Variants in COX4I1 observed in about 807,000 individuals in gnomAD.
COX4I1 encodes cytochrome c oxidase subunit 4 isoform 1, mitochondrial.
In COX4I1, 18 loss-of-function variants were observed where a neutral mutation model predicts 21.7. That is an observed-to-expected ratio of 0.83 (90% CI 0.57 to 1.23). COX4I1 has a LOEUF of 1.23. COX4I1 is among the 50% of genes most tolerant of loss of function. The pLI is 0.00. For missense variants in COX4I1, 238 were observed against 220.7 expected (o/e 1.08, Z -0.50); for synonymous variants, 100 against 81.5 (o/e 1.23, Z -1.23).
chr16:85,804,598 C>T (rs996340273), intron 2 of COX4I1: 8 of 179,822 alleles, frequency 4.4e-5, no homozygotes, highest in East Asian at 1.6e-4. Flanking sequence ...CATCGTGATC[C>T]GCCTGCCTGG....
intron 4 of COX4I1, 187 bp from the exon 5 acceptor site, chr16:85,806,551 A>T: frequency 1.2e-6 from 1 of 832,396 alleles, no homozygotes; most frequent in Non-Finnish European, 2.0e-6. Flanking sequence ...TTTTACAAAC[A>T]AAGGGCTAAT....
At position 85,801,220 on chromosome 16, in the gene COX4I1, G is replaced by C. The variant is rs537535282; in HGVS notation, c.15G>C (p.Arg5Ser). The change falls in exon 2 of 5, where the codon AGG becomes AGC. Residue 5 changes from arginine (R) to serine (S), a missense_variant. Arg to Ser is a moderately radical substitution (Grantham distance 110, BLOSUM62 -1). Transcript: ENST00000253452. ...TATCTTTCAGAATGTTGGCTACCAGGGTATTTAGCCTAGTTGGCAAGCGAG... is the reference window on the plus strand; with the variant it reads ...TATCTTTCAGAATGTTGGCTACCAGCGTATTTAGCCTAGTTGGCAAGCGAG... MLAT[R>S]VFSLVGKRAI... is the part of the protein sequence containing the mutation. The C allele has an allele frequency of 3.1e-6, 5 of 1,608,244 alleles. No homozygotes were observed. Among genetic ancestry groups the C allele is most frequent in the Non-Finnish European group, 3.4e-6 (4 of 1,175,098 alleles).
intron 4 of COX4I1, chr16:85,806,405 T>A: frequency 1.5e-6 from 1 of 650,718 alleles, no homozygotes; most frequent in South Asian, 1.6e-5. Flanking sequence ...TACTTTTGGT[T>A]TGAATGTGGA....
chr16:85,805,239 T>G, intron 3 of COX4I1, 135 bp downstream of exon 3: 3 of 890,384 alleles, frequency 3.4e-6, no homozygotes, highest in Non-Finnish European at 4.9e-6. Context: ...GGTTTCGGGG[T>G]CACTGTGCCA....
chr16:85,799,708 G>T lies in COX4I1; in HGVS notation c.-46G>T, dbSNP rs2233446. 4.1e-3 allele frequency: 659 copies of T among 162,142 alleles called. 7 individuals are homozygous for T. Among genetic ancestry groups the T allele is most frequent in the African/African-American group, 0.014 (591 of 41,986 alleles). 10.0% of individuals were successfully genotyped at this position (162,142 alleles called of 1,614,324 possible). On this transcript the variant is annotated 5_prime_UTR_variant, in exon 1 of 5. Coordinates refer to ENST00000253452, the MANE Select transcript of COX4I1 (RefSeq NM_001861.6). This position sits in a 1 kb window ranked among gnomAD's most constrained non-coding sequence, Gnocchi z 4.2. ...CGCGGCCTTGCTCTCTTCCGGTCGC[G>T]GGACACCGGGTGTAGAGGGCGGTCG...
At chr16:85,802,872 A>G (rs1034093742) in intron 2 of COX4I1, among the ~76,000 whole-genome samples, 1 of 152,230 alleles carries the variant, frequency 6.6e-6, no homozygotes, top group Admixed American at 6.5e-5. Flanking sequence ...TGCAATTTTG[A>G]GGTTTGCATG....
chr16:85,806,303 C>G, intron 4 of COX4I1: 1 of 609,378 alleles, frequency 1.6e-6, no homozygotes, highest in Non-Finnish European at 2.9e-6. Context: ...TGGGCATTGC[C>G]GGGTTGCTCG....
chr16:85,801,357 G>GA, intron 2 of COX4I1, 79 bp downstream of exon 2: 1 of 1,252,206 alleles, frequency 8.0e-7, no homozygotes, highest in Non-Finnish European at 1.2e-6. Context: ...CCCTGTGCTG[G>GA]AGTTTTAAAG....
chr16:85,801,241 G>A lies in COX4I1; in HGVS notation c.36G>A (p.Lys12=). 6.2e-7 allele frequency: 1 copy of A among 1,610,378 alleles called. No individual in the cohort carries two copies. The highest frequency in any genetic ancestry group is 8.5e-7 in the Non-Finnish European group (1 of 1,176,776). The change falls in exon 2 of 5, where the codon AAG becomes AAA. Residue 12 remains lysine (K), a synonymous_variant. Transcript: ENST00000253452. ...CCAGGGTATTTAGCCTAGTTGGCAA[G>A]CGAGCAATTTCCACCTCTGTGTGTG... The part of the protein sequence containing the change: ...LATRVFSLVG[K]RAISTSVCVR...
At chr16:85,806,661 A>G (rs1597220485) in intron 4 of COX4I1, 77 bp from the exon 5 acceptor site, 1 of 1,609,972 alleles carries the variant, frequency 6.2e-7, no homozygotes, top group Non-Finnish European at 8.5e-7. Flanking sequence ...TGTCGGGAGG[A>G]TTTAACCTGT....
chr16:85,803,843 G>A (rs1464555601), intron 2 of COX4I1: 1 of 152,254 alleles, frequency 6.6e-6, no homozygotes. Flanking sequence ...TGGGCTCCTA[G>A]GTCGGCCTCG....
chr16:85,805,343 T>C (rs1430578392), intron 3 of COX4I1: 1 of 538,472 alleles, frequency 1.9e-6, no homozygotes. Flanking sequence ...GGAGGTAGCC[T>C]CTCAGCATAT....
chr16:85,806,554 G>A (rs1906218361), intron 4 of COX4I1, 184 bp from the exon 5 acceptor site: 3 of 839,410 alleles, frequency 3.6e-6, no homozygotes, highest in South Asian at 1.4e-5. Flanking sequence ...TACAAACAAA[G>A]GGCTAATTTT....
intron 3 of COX4I1, 52 bp downstream of exon 3, chr16:85,805,156 G>A: frequency 6.4e-7 from 1 of 1,551,368 alleles, no homozygotes; most frequent in Non-Finnish European, 8.7e-7. Flanking sequence ...GGAAGCGTGT[G>A]TGTGACAGAG....
At chr16:85,800,103 C>T (rs1175555995) in intron 1 of COX4I1, among the ~76,000 whole-genome samples, 1 of 152,220 alleles carries the variant, frequency 6.6e-6, no homozygotes, top group Non-Finnish European at 1.5e-5. Context: ...CAAAAGGTCC[C>T]TGTGCAACCC....
At chr16:85,800,921 G>A (rs1295189984) in intron 1 of COX4I1, among the ~76,000 whole-genome samples, 1 of 152,154 alleles carries the variant, frequency 6.6e-6, no homozygotes, top group Non-Finnish European at 1.5e-5. Flanking sequence ...ACCGCGCCCG[G>A]CCTCTCCTTG....
intron 3 of COX4I1, 41 bp downstream of exon 3, chr16:85,805,145 C>T (rs780067773): frequency 1.7e-5 from 27 of 1,578,164 alleles, no homozygotes; most frequent in Non-Finnish European, 2.0e-5. Flanking sequence ...CAGCAGCTCT[C>T]GGAAGCGTGT....
At chr16:85,805,461 A>G in intron 3 of COX4I1, 1 of 575,028 alleles carries the variant, frequency 1.7e-6, no homozygotes, top group Non-Finnish European at 3.1e-6. Flanking sequence ...ATAGACCCTA[A>G]TACTGTAATT....
rs377718678 is a variant in COX4I1, at chr16:85,805,132, G to A, written c.241+28G>A. On this transcript the variant is annotated intron_variant, in intron 3 of 4. Coordinates refer to ENST00000253452, the MANE Select transcript of COX4I1 (RefSeq NM_001861.6). Reference sequence around the variant, plus strand: ...GGGTATTGAAGGGACCCACAGGCGCGCCCAGCAGCTCTCGGAAGCGTGTGT... The same window carrying A: ...GGGTATTGAAGGGACCCACAGGCGCACCCAGCAGCTCTCGGAAGCGTGTGT... 3.8e-6 allele frequency: 6 copies of A among 1,596,490 alleles called. No individual in the cohort carries two copies. The African/African-American group carries it at 5.4e-5, about 14-fold the overall frequency.
Sources: gnomAD v4.1 joint callset for allele counts (sites outside exome capture counted in the v4.1 genomes callset) on GRCh38, gnomAD v4.1.1 for gene constraint, Gnocchi (gnomAD v3.1) non-coding constraint, MANE v1.5 for transcripts, NCBI Gene and HGNC (gene_info 2026-07-23, HGNC 2026-07-21) for gene names.